Variants in ARHGAP6 observed in about 807,000 individuals in gnomAD.
ARHGAP6 encodes the protein rho GTPase-activating protein 6.
ARHGAP6 carries 16 observed loss-of-function variants against 55.7 expected under a neutral mutation model. That is an observed-to-expected ratio of 0.29 (90% CI 0.19 to 0.44). ARHGAP6 has a LOEUF of 0.44. ARHGAP6 is among the 20% of genes least tolerant of loss of function. The pLI, the probability that ARHGAP6 is intolerant of heterozygous loss-of-function variation, is 1.00. For synonymous variants in ARHGAP6, 382 were observed against 360.9 expected, an observed-to-expected ratio of 1.06 and a Z score of -0.66; for missense variants, 698 against 808.9, an observed-to-expected ratio of 0.86 and a Z score of 1.66.
chrX:11,168,954 T>C (rs1404548440), intron 9 of ARHGAP6, among the ~76,000 whole-genome samples: 5 of 112,074 alleles, frequency 4.5e-5, no homozygotes, highest in Non-Finnish European at 7.5e-5. Flanking sequence ...GTCCTTGTTT[T>C]AAATGCATTT....
At chrX:11,378,080 G>A (rs983110747) in intron 1 of ARHGAP6, among the ~76,000 whole-genome samples, 3 of 111,851 alleles carry the variant, frequency 2.7e-5, no homozygotes, top group Non-Finnish European at 3.8e-5. Context: ...GGTTCGCTGC[G>A]TATAGTGTCA....
intron 1 of ARHGAP6, among the ~76,000 whole-genome samples, chrX:11,371,557 C>T (rs966512083): frequency 8.0e-5 from 9 of 112,110 alleles, no homozygotes; most frequent in Non-Finnish European, 1.5e-4. Context: ...TTTTAAATTA[C>T]TATAATCCTT....
At chrX:11,617,544 G>A (rs1224245138) in intron 1 of ARHGAP6, among the ~76,000 whole-genome samples, 1 of 111,686 alleles carries the variant, frequency 9.0e-6, no homozygotes, top group Admixed American at 9.5e-5. Flanking sequence ...CTGAAGATGT[G>A]ATTAAGTTAA....
At chrX:11,472,696 G>T (rs1385465064) in intron 1 of ARHGAP6, among the ~76,000 whole-genome samples, 5 of 111,633 alleles carry the variant, frequency 4.5e-5, no homozygotes, top group Non-Finnish European at 9.4e-5. Flanking sequence ...AGGGGAAATT[G>T]GTAGTCTAGG....
At chrX:11,256,029 G>T (rs188222864) in intron 1 of ARHGAP6, among the ~76,000 whole-genome samples, 1 of 111,677 alleles carries the variant, frequency 9.0e-6, no homozygotes, top group East Asian at 2.8e-4. Context: ...AGAGGTACTG[G>T]CCCACGCAGG....
rs1377601500 is a variant in ARHGAP6 at position 11,169,576 on chromosome X, G to A, written c.1738C>T (p.Arg580Trp). The A allele has an allele frequency of 6.6e-6, 8 of 1,206,405 alleles. No homozygotes were observed. Among genetic ancestry groups the A allele is most frequent in the South Asian group, 5.3e-5 (3 of 56,220 alleles). ...ATGATGGCCGTGCTCTCCTCAGCCC[G>A]GGCTGAACTCTGAACTGAGAATTCT... ...DKEFSVQSSA[R>W]AEESTAIIAV... is the part of the protein sequence containing the mutation. Residue 580 changes from arginine (R) to tryptophan (W), a missense_variant, in exon 9 of 13, where the codon CGG becomes TGG. Physicochemically the swap from Arg to Trp is moderately radical, Grantham distance 101. This residue lies in a region of ARHGAP6 where 322 missense variants were observed against 451.1 expected (regional missense o/e 0.71). Coordinates refer to ENST00000337414, the MANE Select transcript of ARHGAP6 (RefSeq NM_013427.3).
chrX:11,231,810 C>T (rs1463676928), intron 2 of ARHGAP6, among the ~76,000 whole-genome samples: 3 of 111,860 alleles, frequency 2.7e-5, no homozygotes, highest in Non-Finnish European at 5.6e-5. Flanking sequence ...TCACCCAAAG[C>T]ACATTGAAAT....
chrX:11,218,888 G>GTT (rs1332498596), intron 2 of ARHGAP6, among the ~76,000 whole-genome samples: 5 of 101,535 alleles, frequency 4.9e-5, no homozygotes, highest in African/African-American at 1.8e-4. Flanking sequence ...AGTCTATTTT[G>GTT]TTTTTTTTTT....
intron 1 of ARHGAP6, among the ~76,000 whole-genome samples, chrX:11,270,935 T>C (rs1203884404): frequency 8.9e-6 from 1 of 111,969 alleles, no homozygotes; most frequent in African/African-American, 3.2e-5. Flanking sequence ...GAGAAAAGCA[T>C]TTTATCTTGA....
chrX:11,315,309 A>C (rs774783839), intron 1 of ARHGAP6, among the ~76,000 whole-genome samples: 173 of 112,169 alleles, frequency 1.5e-3, no homozygotes, highest in Non-Finnish European at 2.7e-3. Context: ...CATTAGTTAG[A>C]TTCTCATAAG....
At chrX:11,346,622 T>A (rs899578161) in intron 1 of ARHGAP6, among the ~76,000 whole-genome samples, 1 of 109,533 alleles carries the variant, frequency 9.1e-6, no homozygotes, top group Non-Finnish European at 1.9e-5. Flanking sequence ...GGTGGGAGGA[T>A]CACTTGAACC....
intron 1 of ARHGAP6, among the ~76,000 whole-genome samples, chrX:11,367,402 G>A (rs1318705926): frequency 1.8e-5 from 2 of 111,464 alleles, no homozygotes; most frequent in Non-Finnish European, 3.8e-5. Flanking sequence ...AAGCAGAACT[G>A]CATGGGATTT....
At chrX:11,214,313 T>A (rs1039912242) in intron 2 of ARHGAP6, among the ~76,000 whole-genome samples, 1 of 109,777 alleles carries the variant, frequency 9.1e-6, no homozygotes, top group Non-Finnish European at 1.9e-5. Flanking sequence ...ATATATATAT[T>A]TTTACCCTCC....
chrX:11,277,600 T>C (rs914834664), intron 1 of ARHGAP6, among the ~76,000 whole-genome samples: 10 of 111,353 alleles, frequency 9.0e-5, no homozygotes, highest in Non-Finnish European at 1.9e-4. Flanking sequence ...ATCAGAGCTT[T>C]TTCCAAGCTG....
chrX:11,254,684 C>G lies in ARHGAP6; in HGVS notation c.612G>C (p.Met204Ile), dbSNP rs2047468292. 4.5e-6 allele frequency: 5 copies of G among 1,116,597 alleles called. No homozygotes were observed. The highest frequency in any genetic ancestry group is 6.0e-6 in the Non-Finnish European group (5 of 839,821). 92.0% of individuals were successfully genotyped at this position (1,116,597 alleles called of 1,213,427 possible). The change falls in exon 2 of 13, where the codon ATG becomes ATC. Residue 204 changes from methionine (M) to isoleucine (I), a missense_variant. Physicochemically the swap from Met to Ile is conservative, Grantham distance 10 (BLOSUM62 1). This residue lies in a region of ARHGAP6 where 322 missense variants were observed against 451.1 expected (regional missense o/e 0.71). Coordinates refer to ENST00000337414, the MANE Select transcript of ARHGAP6 (RefSeq NM_013427.3). The stretch of plus-strand genomic sequence containing the variant: ...ACCTCAGCCGTACACTGCGGCCTGA[C>G]ATGCTGTTCCAGGTGAAATCACCCT... ...KSEGDFTWNS[M>I]SGRSVRLRSV...
At chrX:11,576,539 T>A (rs984933374) in intron 1 of ARHGAP6, among the ~76,000 whole-genome samples, 2 of 111,550 alleles carry the variant, frequency 1.8e-5, no homozygotes, top group Non-Finnish European at 3.8e-5. Context: ...ATCAAGCATA[T>A]AAAAGGGCAC....
At chrX:11,533,152 G>A (rs1001830342) in intron 1 of ARHGAP6, among the ~76,000 whole-genome samples, 1 of 105,221 alleles carries the variant, frequency 9.5e-6, no homozygotes, top group African/African-American at 3.5e-5. Flanking sequence ...TATTCACAGC[G>A]TTTAAGTCAT....
chrX:11,252,401 C>A (rs1159118432), intron 2 of ARHGAP6, among the ~76,000 whole-genome samples: 1 of 112,323 alleles, frequency 8.9e-6, no homozygotes, highest in Non-Finnish European at 1.9e-5. Context: ...TTGGCCCGGG[C>A]CCCACATGGG....
intron 2 of ARHGAP6, among the ~76,000 whole-genome samples, chrX:11,222,264 C>T (rs770836144): frequency 2.0e-4 from 22 of 111,907 alleles, no homozygotes; most frequent in Non-Finnish European, 3.9e-4. Flanking sequence ...GGAGACAACA[C>T]TCTTATTTTT....
Sources: gnomAD v4.1 joint callset for allele counts (sites outside exome capture counted in the v4.1 genomes callset) on GRCh38, gnomAD v4.1.1 for gene constraint, gnomAD v4.1.1 regional missense constraint, MANE v1.5 for transcripts, NCBI Gene and HGNC (gene_info 2026-07-23, HGNC 2026-07-21) for gene names.